Variants in SLC41A2 observed in about 807,000 individuals in gnomAD.
SLC41A2 encodes the protein solute carrier family 41 member 2, also known as SLC41A1-like 1.
A neutral mutation model predicts 58.3 loss-of-function variants in SLC41A2; 32 were observed. The observed-to-expected ratio is 0.55, with a 90% CI of 0.41 to 0.74. The LOEUF (loss-of-function observed/expected upper bound fraction) is 0.74. Among genes scored for constraint, SLC41A2 ranks in the 30% least tolerant of loss-of-function variants. The probability of loss-of-function intolerance (pLI) is 0.00; values close to 1 mark genes in which losing one functional copy is unlikely to be tolerated. For synonymous variants in SLC41A2, 190 were observed against 235.0 expected (o/e 0.81, Z 1.75); for missense variants, 514 against 680.6 (o/e 0.76, Z 2.72).
At chr12:104,907,061 C>T (rs533445804) in intron 3 of SLC41A2, among the ~76,000 whole-genome samples, 1 of 110,996 alleles carries the variant, frequency 9.0e-6, no homozygotes, top group Admixed American at 9.4e-5. Context: ...ACCTTGCCTG[C>T]CTTGTTATTC....
At chr12:104,890,339 C>T (rs1269952241) in intron 4 of SLC41A2, among the ~76,000 whole-genome samples, 2 of 152,082 alleles carry the variant, frequency 1.3e-5, no homozygotes, top group Non-Finnish European at 2.9e-5. Flanking sequence ...CAATAAGCAC[C>T]ATGATGAGTG....
rs536280705 is a variant in SLC41A2, at chr12:104,850,159, T to A, written c.1256-4185A>T. ...AAGGCAGCAATCCTCTGGCCAGGTC[T>A]ACTGTTGATCCAAGTTACCTGGAAG... On this transcript the variant is annotated intron_variant, in intron 8 of 10. Transcript: ENST00000258538. 7.2e-5 allele frequency among the ~76,000 whole-genome samples: 11 copies of A among 152,332 alleles called. No homozygotes were observed. The East Asian group carries it at 1.5e-3, about 21-fold the overall frequency.
chr12:104,933,926 A>C (rs1294130363), intron 1 of SLC41A2, among the ~76,000 whole-genome samples: 2 of 148,530 alleles, frequency 1.3e-5, no homozygotes, highest in Non-Finnish European at 3.0e-5. Context: ...AGAAAGGGGG[A>C]GGGTGGGAGG....
intron 1 of SLC41A2, among the ~76,000 whole-genome samples, chr12:104,950,691 C>G (rs994264337): frequency 6.6e-6 from 1 of 152,070 alleles, no homozygotes; most frequent in Non-Finnish European, 1.5e-5. Flanking sequence ...GCAGAGGAAC[C>G]CTTTATTTAA....
At chr12:104,848,941 A>G (rs2042704957) in intron 8 of SLC41A2, among the ~76,000 whole-genome samples, 1 of 151,950 alleles carries the variant, frequency 6.6e-6, no homozygotes, top group Non-Finnish European at 1.5e-5. Context: ...GACATATGAC[A>G]AAGGAGGAAC....
rs117392371 is a variant in SLC41A2 at position 104,809,688 on chromosome 12, A to C, written c.1537-4351T>G. Among the ~76,000 whole-genome samples, 3 of 152,266 alleles carry C rather than the reference A, an allele frequency of 2.0e-5. No individual in the cohort carries two copies. In the East Asian group the frequency reaches 5.8e-4, roughly 29 times the overall value. ...TCTGCCTTTGGGTAAATTTCTTACC[A>C]CTCTGAGCCTAGTATTCTCATTTGA... On this transcript the variant is annotated intron_variant, in intron 10 of 10. Transcript: ENST00000258538.
intron 6 of SLC41A2, among the ~76,000 whole-genome samples, chr12:104,885,211 A>T (rs2044597535): frequency 6.6e-6 from 1 of 152,216 alleles, no homozygotes. Context: ...AAGTGGATGC[A>T]ACCTTATCTT....
chr12:104,824,924 C>T (rs906972137), intron 10 of SLC41A2, among the ~76,000 whole-genome samples: 4 of 152,162 alleles, frequency 2.6e-5, no homozygotes, highest in Non-Finnish European at 4.4e-5. Context: ...GCCTCTCTTC[C>T]GAAACTCCAC....
At chr12:104,937,525 G>A (rs541589144) in intron 1 of SLC41A2, among the ~76,000 whole-genome samples, 1 of 152,244 alleles carries the variant, frequency 6.6e-6, no homozygotes, top group Non-Finnish European at 1.5e-5. Flanking sequence ...ACACAGCCTT[G>A]GCGTGTGGTA....
At chr12:104,860,426 A>T (rs1162281143) in intron 8 of SLC41A2, among the ~76,000 whole-genome samples, 4 of 151,938 alleles carry the variant, frequency 2.6e-5, no homozygotes, top group Non-Finnish European at 5.9e-5. Context: ...CTTTAATGAC[A>T]GTCACCCCAG....
intron 10 of SLC41A2, among the ~76,000 whole-genome samples, chr12:104,831,710 G>T (rs2042041709): frequency 1.3e-5 from 2 of 152,082 alleles, no homozygotes; most frequent in South Asian, 4.1e-4. Flanking sequence ...CTTGTCAGGT[G>T]CTTCCCTATT....
At chr12:104,886,606 G>A (rs1429224873) in intron 5 of SLC41A2, among the ~76,000 whole-genome samples, 167 bp from the exon 6 acceptor site, 3 of 152,002 alleles carry the variant, frequency 2.0e-5, no homozygotes, top group African/African-American at 4.8e-5. Flanking sequence ...TTGGCAAAAT[G>A]CCTTTCAACA....
At chr12:104,925,898 A>T (rs927701409) in intron 2 of SLC41A2, among the ~76,000 whole-genome samples, 1 of 152,244 alleles carries the variant, frequency 6.6e-6, no homozygotes, top group Non-Finnish European at 1.5e-5. Context: ...CAGCTGTGAT[A>T]CTACTATAAG....
chr12:104,853,911 A>ATTATTATTATTATTTATTTTTTTT, intron 8 of SLC41A2, among the ~76,000 whole-genome samples: 2 of 59,494 alleles, frequency 3.4e-5, no homozygotes, highest in Non-Finnish European at 6.4e-5. Context: ...TGCCTGGCTG[A>ATTATTATTATTATTTATTTTTTTT]TTTTTTTTTT....
intron 8 of SLC41A2, among the ~76,000 whole-genome samples, chr12:104,848,603 C>T (rs577412499): frequency 3.3e-5 from 5 of 151,982 alleles, no homozygotes; most frequent in Non-Finnish European, 2.9e-5. Context: ...ACAGTGCATG[C>T]ATTAAAAGGA....
intron 1 of SLC41A2, among the ~76,000 whole-genome samples, chr12:104,935,119 G>A (rs1474608844): frequency 2.6e-5 from 4 of 152,004 alleles, no homozygotes; most frequent in African/African-American, 4.8e-5. Context: ...CACCACGCCC[G>A]GCTAATTTTT....
chr12:104,869,981 A>G (rs572866297), intron 6 of SLC41A2, among the ~76,000 whole-genome samples: 5 of 152,248 alleles, frequency 3.3e-5, no homozygotes, highest in Non-Finnish European at 7.3e-5. Flanking sequence ...ATTTTGTATT[A>G]AAATCTGGGT....
intron 10 of SLC41A2, among the ~76,000 whole-genome samples, chr12:104,817,985 T>C (rs1020443402): frequency 7.9e-5 from 12 of 152,312 alleles, no homozygotes; most frequent in African/African-American, 2.6e-4. Flanking sequence ...TTTTAAATGT[T>C]CTCATCACAA....
At chr12:104,939,200 C>A (rs752028869) in intron 1 of SLC41A2, among the ~76,000 whole-genome samples, 1 of 152,146 alleles carries the variant, frequency 6.6e-6, no homozygotes, top group Non-Finnish European at 1.5e-5. Context: ...ATGAATTCAA[C>A]TTTACTTACA....
Sources: gnomAD v4.1 joint callset for allele counts (sites outside exome capture counted in the v4.1 genomes callset) on GRCh38, gnomAD v4.1.1 for gene constraint, MANE v1.5 for transcripts, NCBI Gene and HGNC (gene_info 2026-07-23, HGNC 2026-07-21) for gene names.